The following PRKCQ variants were observed in gnomAD, a reference collection of about 807,000 sequenced individuals.
PRKCQ encodes protein kinase C theta.
In PRKCQ, 41 loss-of-function variants were observed where a neutral mutation model predicts 91.2. That is an observed-to-expected ratio of 0.45 (90% CI 0.35 to 0.58). The LOEUF is 0.58. PRKCQ is among the 20% of genes least tolerant of loss of function. The pLI is 0.00. For synonymous variants in PRKCQ, 307 were observed against 316.9 expected (o/e 0.97, Z 0.33); for missense variants, 673 against 896.5 (o/e 0.75, Z 3.18).
chr10:6,505,645 CT>C (rs1270057870), intron 4 of PRKCQ, among the ~76,000 whole-genome samples: 5 of 149,100 alleles, frequency 3.4e-5, no homozygotes, highest in East Asian at 3.9e-4. Flanking sequence ...CCCTTCCTTC[CT>C]TTCCTTTCCT....
At chr10:6,551,394 T>A (rs1265036780) in intron 1 of PRKCQ, among the ~76,000 whole-genome samples, 1 of 151,020 alleles carries the variant, frequency 6.6e-6, no homozygotes, top group Non-Finnish European at 1.5e-5. Flanking sequence ...TTTCTTTTTT[T>A]TTTCTTTTTT....
chr10:6,462,931 G>T (rs1479060105), intron 13 of PRKCQ, among the ~76,000 whole-genome samples: 2 of 151,648 alleles, frequency 1.3e-5, no homozygotes, highest in Non-Finnish European at 2.9e-5. Flanking sequence ...CTTGAACCTG[G>T]GAGGCAGAGG....
At chr10:6,546,409 C>A (rs996563865) in intron 1 of PRKCQ, among the ~76,000 whole-genome samples, 1 of 152,036 alleles carries the variant, frequency 6.6e-6, no homozygotes, top group African/African-American at 2.4e-5. Flanking sequence ...CAGCGTGGTG[C>A]AAGGAATATA....
intron 16 of PRKCQ, among the ~76,000 whole-genome samples, chr10:6,437,646 AT>A (rs1002124125): frequency 1.3e-5 from 2 of 150,740 alleles, no homozygotes; most frequent in African/African-American, 4.9e-5. Flanking sequence ...CTAACTTATT[AT>A]TTTTTTTATT....
chr10:6,572,632 T>C (rs577710328), intron 1 of PRKCQ, among the ~76,000 whole-genome samples: 4 of 152,352 alleles, frequency 2.6e-5, no homozygotes, highest in South Asian at 2.1e-4. Flanking sequence ...CAGACTACCA[T>C]TGGTGGGCAT....
rs34524148 is a variant in PRKCQ, at chr10:6,483,559, C to A, written c.1060G>T (p.Asp354Tyr). 6.2e-7 allele frequency: 1 copy of A among 1,614,200 alleles called. No individual in the cohort carries two copies. Among genetic ancestry groups the A allele is most frequent in the Non-Finnish European group, 8.5e-7 (1 of 1,180,026 alleles). Reference sequence around the variant, plus strand: ...GGTTCTGGAAGATGGCACATTTTATCCACCTCATCCAACGGAGACTCCCAG... The same window carrying A: ...GGTTCTGGAAGATGGCACATTTTATACACCTCATCCAACGGAGACTCCCAG... ...ISWESPLDEVDKMCHLPEPEL... is the reference protein window; with the variant it reads ...ISWESPLDEVYKMCHLPEPEL... The change falls in exon 11 of 18, where the codon GAT (aspartate) becomes TAT (tyrosine). Residue 354 changes from aspartate to tyrosine, a missense_variant. Transcript: ENST00000263125.
At chr10:6,446,486 C>A (rs1710112276) in intron 15 of PRKCQ, among the ~76,000 whole-genome samples, 1 of 151,154 alleles carries the variant, frequency 6.6e-6, no homozygotes, top group South Asian at 2.1e-4. Flanking sequence ...CTACTTTAGC[C>A]TCCTGGGGAG....
chr10:6,532,769 G>A (rs980454990), intron 1 of PRKCQ, among the ~76,000 whole-genome samples: 1 of 152,198 alleles, frequency 6.6e-6, no homozygotes, highest in Admixed American at 6.5e-5. Context: ...GCACTTTACA[G>A]TTTACAAATA....
chr10:6,413,474 TCACACA>T, the PRKCQ span, among the ~76,000 whole-genome samples: 7,532 of 120,046 alleles, frequency 0.063, 857 homozygotes, highest in African/African-American at 0.16. Flanking sequence ...AAAAATTATG[TCACACA>T]CACACACACA....
intron 1 of PRKCQ, among the ~76,000 whole-genome samples, chr10:6,575,527 C>T (rs1454115766): frequency 1.3e-5 from 2 of 152,190 alleles, no homozygotes; most frequent in African/African-American, 2.4e-5. Flanking sequence ...AGGGACTGTC[C>T]TTTCCATGGC....
At chr10:6,533,141 G>T (rs1839450919) in intron 1 of PRKCQ, among the ~76,000 whole-genome samples, 1 of 151,992 alleles carries the variant, frequency 6.6e-6, no homozygotes, top group Non-Finnish European at 1.5e-5. Flanking sequence ...CCAGAGCTGG[G>T]GATGAGTCTA....
intron 14 of PRKCQ, 72 bp from the exon 15 acceptor site, chr10:6,456,884 C>T (rs528432574): frequency 2.4e-5 from 37 of 1,530,712 alleles, no homozygotes; most frequent in South Asian, 9.5e-5. Context: ...CCATAGGAGG[C>T]GAGGGAGTTT....
the PRKCQ span, among the ~76,000 whole-genome samples, chr10:6,416,591 A>G: frequency 5.9e-5 from 9 of 151,992 alleles, no homozygotes; most frequent in Non-Finnish European, 1.2e-4. Context: ...TATAGACCAC[A>G]TTTTCTTTAT....
intron 12 of PRKCQ, among the ~76,000 whole-genome samples, chr10:6,471,873 G>A (rs1835989017): frequency 6.6e-6 from 1 of 152,226 alleles, no homozygotes; most frequent in Non-Finnish European, 1.5e-5. Context: ...AAATGCTCAT[G>A]TCTTCTGGGA....
At chr10:6,466,583 T>C (rs181794102) in intron 12 of PRKCQ, among the ~76,000 whole-genome samples, 1 of 152,358 alleles carries the variant, frequency 6.6e-6, no homozygotes. Context: ...CACAAATGTA[T>C]GCACATACAA....
chr10:6,551,889 T>A (rs1840199182), intron 1 of PRKCQ, among the ~76,000 whole-genome samples: 1 of 152,226 alleles, frequency 6.6e-6, no homozygotes, highest in South Asian at 2.1e-4. Context: ...CTTTGAGGAA[T>A]CACCATACTG....
intron 1 of PRKCQ, among the ~76,000 whole-genome samples, chr10:6,573,623 A>G (rs1259648195): frequency 1.3e-5 from 2 of 152,188 alleles, no homozygotes; most frequent in Non-Finnish European, 2.9e-5. Context: ...TTTCCAATAG[A>G]TTGTACGCTT....
At position 6,515,005 on chromosome 10, in the gene PRKCQ, CCCT is replaced by C. The variant is rs1441177746; in HGVS notation, c.118+10_118+12del. 9.3e-6 allele frequency: 15 copies of C among 1,612,400 alleles called. No homozygotes were observed. The highest frequency in any genetic ancestry group is 1.3e-5 in the Non-Finnish European group (15 of 1,179,854). On this transcript the variant is annotated intron_variant, in intron 2 of 17. Transcript: ENST00000263125. The stretch of plus-strand genomic sequence containing the variant: ...CTCCTCCTCCCCCGCTTTGAAAATC[CCCT>C]CAAGCTTACCTGATTCGACATACTC...
chr10:6,499,860 T>C (rs549963253), intron 4 of PRKCQ, among the ~76,000 whole-genome samples: 1 of 152,312 alleles, frequency 6.6e-6, no homozygotes, highest in South Asian at 2.1e-4. Context: ...ACACTCTAGG[T>C]AGACAAAGGA....
Sources: allele counts gnomAD v4.1 joint callset (sites outside exome capture counted in the v4.1 genomes callset), GRCh38; gene constraint gnomAD v4.1.1; transcripts MANE v1.5; gene names NCBI Gene and HGNC (gene_info 2026-07-23, HGNC 2026-07-21).